The following IPO9 variants were observed in gnomAD, a reference collection of about 807,000 sequenced individuals.
The protein encoded by IPO9 is importin-9.
IPO9 carries 28 observed loss-of-function variants against 128.6 expected under a neutral mutation model. The observed-to-expected ratio is 0.22, with a 90% CI of 0.16 to 0.30. The LOEUF (loss-of-function observed/expected upper bound fraction) is 0.30, where lower values mean the gene tolerates loss of function less well. IPO9 is among the 10% of genes least tolerant of loss of function. The pLI is 1.00. For synonymous variants in IPO9, 455 were observed against 475.8 expected, an observed-to-expected ratio of 0.96 and a Z score of 0.57; for missense variants, 935 against 1,293.9, an observed-to-expected ratio of 0.72 and a Z score of 4.26.
chr1:201,883,882 A>G lies in IPO9; in HGVS notation c.*7828A>G, dbSNP rs904329237. ...CAGCAAGAGCACAGAAACTAGGGCC[A>G]GTGCCCGGTTGTGTGACCTTGAGTA... On this transcript the variant is annotated 3_prime_UTR_variant, in exon 24 of 24. Transcript: ENST00000361565. The G allele has an allele frequency of 4.5e-4, 68 of 152,284 alleles. No homozygotes were observed. Among genetic ancestry groups the G allele is most frequent in the African/African-American group, 1.6e-3 (68 of 41,480 alleles). The allele number at this position is 152,284 out of a possible 1,614,324, so 9.4% of individuals were successfully genotyped here. A position where few individuals can be genotyped will look rare whatever the true frequency, so the allele number is the denominator to read the frequency against.
At chr1:201,846,793 C>T (rs1184490768) in intron 1 of IPO9, among the ~76,000 whole-genome samples, 1 of 152,174 alleles carries the variant, frequency 6.6e-6, no homozygotes, top group East Asian at 1.9e-4. Flanking sequence ...CCTCTGCCTC[C>T]CGAGTAGCTG....
At chr1:201,845,338 G>A (rs1045236879) in intron 1 of IPO9, among the ~76,000 whole-genome samples, 8 of 152,130 alleles carry the variant, frequency 5.3e-5, no homozygotes, top group Non-Finnish European at 1.2e-4. Flanking sequence ...TTCTTATTTT[G>A]TGGGTGAGGA....
At position 201,876,107 on chromosome 1, in the gene IPO9, G is replaced by T. The variant is rs750829112; in HGVS notation, c.*53G>T. 6.5e-6 allele frequency: 8 copies of T among 1,229,832 alleles called. No individual in the cohort carries two copies. The highest frequency in any genetic ancestry group is 3.7e-4 in the Middle Eastern group (2 of 5,366). The allele number at this position is 1,229,832 out of a possible 1,614,324, so 76.2% of individuals were successfully genotyped here. On this transcript the variant is annotated 3_prime_UTR_variant, in exon 24 of 24. Coordinates refer to ENST00000361565, the MANE Select transcript of IPO9 (RefSeq NM_018085.5). ...TTCTGGGCCAGCCGCAAACCATTTT[G>T]CAGCCCTCACTGGCCTTGAGATGCA...
intron 1 of IPO9, among the ~76,000 whole-genome samples, chr1:201,846,979 A>G (rs568503148): frequency 2.6e-5 from 4 of 152,278 alleles, no homozygotes; most frequent in Non-Finnish European, 2.9e-5. Flanking sequence ...CCATGTTTCA[A>G]TTACCACATT....
intron 1 of IPO9, among the ~76,000 whole-genome samples, chr1:201,839,363 C>T (rs1365694768): frequency 1.3e-5 from 2 of 151,898 alleles, no homozygotes; most frequent in East Asian, 1.9e-4. Context: ...ACTTCAGTCA[C>T]GCACCACCAC....
At chr1:201,849,792 T>C (rs1181930540) in intron 4 of IPO9, among the ~76,000 whole-genome samples, 4 of 152,244 alleles carry the variant, frequency 2.6e-5, no homozygotes, top group African/African-American at 9.6e-5. Flanking sequence ...TTAGCTCAGA[T>C]ACCGAACAGA....
Position 201,870,674 on chromosome 1 carries a change from A to G in IPO9, c.2225A>G (p.Tyr742Cys). Residue 742 changes from tyrosine (Y) to cysteine (C), a missense_variant, in exon 18 of 24, where the codon TAT (tyrosine) becomes TGT (cysteine). Physicochemically the swap from Tyr to Cys is radical, Grantham distance 194. Transcript: ENST00000361565. This position sits in a 1 kb window ranked among gnomAD's most constrained non-coding sequence, Gnocchi z 4.9. The stretch of plus-strand genomic sequence containing the variant: ...GAGCAGGGCCACAATGGACTGTGGT[A>G]TGTGATGCAAGTGGTGAGCCAGCTC... The part of the protein sequence containing the change: ...HDEQGHNGLW[Y>C]VMQVVSQLLD... 6.2e-7 allele frequency: 1 copy of G among 1,614,220 alleles called. No individual in the cohort carries two copies. The highest frequency in any genetic ancestry group is 8.5e-7 in the Non-Finnish European group (1 of 1,180,038).
chr1:201,878,534 T>A lies in IPO9; in HGVS notation c.*2480T>A, dbSNP rs1680821451. ...CTCTCATGCTGATTTGGGGGAGGACTGGGCATCCTGCCTCAGGAGAACTTG... is the reference window on the plus strand; with the variant it reads ...CTCTCATGCTGATTTGGGGGAGGACAGGGCATCCTGCCTCAGGAGAACTTG... On this transcript the variant is annotated 3_prime_UTR_variant, in exon 24 of 24. Transcript: ENST00000361565. 1 of 152,642 alleles carries A rather than the reference T, an allele frequency of 6.6e-6. No homozygotes were observed. Among genetic ancestry groups the A allele is most frequent in the Admixed American group, 6.5e-5 (1 of 15,274 alleles). 9.5% of individuals were successfully genotyped at this position (152,642 alleles called of 1,614,324 possible). A position where few individuals can be genotyped will look rare whatever the true frequency, so the allele number is the denominator to read the frequency against.
chr1:201,844,363 G>A (rs1404567812), intron 1 of IPO9, among the ~76,000 whole-genome samples: 1 of 152,078 alleles, frequency 6.6e-6, no homozygotes, highest in African/African-American at 2.4e-5. Flanking sequence ...ATTGAGACAC[G>A]TTCTACAAAA....
Position 201,858,532 on chromosome 1 carries a change from A to G in IPO9, c.1307A>G (p.Lys436Arg). Residue 436 changes from lysine to arginine, a missense_variant, in exon 12 of 24, where the codon AAA becomes AGA. This residue lies in a region of IPO9 where 741 missense variants were observed against 1,019.1 expected (regional missense o/e 0.73). Coordinates refer to ENST00000361565, the MANE Select transcript of IPO9 (RefSeq NM_018085.5). ...CATTTACAAGAAGCTGAGCAAACCA[A>G]AAACAGTGGCACTGAGCACTGGTAA... is the stretch of plus-strand genomic sequence containing the variant. ...TRHLQEAEQT[K>R]NSGTEHWWKI... The G allele has an allele frequency of 5.0e-6, 8 of 1,588,642 alleles. No individual in the cohort carries two copies. In the Admixed American group the frequency reaches 1.1e-4, roughly 22 times the overall value.
chr1:201,833,861 CT>C, intron 1 of IPO9, among the ~76,000 whole-genome samples: 1 of 152,216 alleles, frequency 6.6e-6, no homozygotes, highest in South Asian at 2.1e-4. Flanking sequence ...TCATAGCTTA[CT>C]GCAGCTTCTA....
rs1052427261 is a variant in IPO9, at chr1:201,882,859, A to G, written c.*6805A>G. On this transcript the variant is annotated 3_prime_UTR_variant, in exon 24 of 24. Coordinates refer to ENST00000361565, the MANE Select transcript of IPO9 (RefSeq NM_018085.5). ...GAATTAAGGATGACTTCATTAAAGC[A>G]CCTCTAGTGGTGGAAGATGTCCCAT... 3.3e-5 allele frequency: 5 copies of G among 152,572 alleles called. No homozygotes were observed. Among genetic ancestry groups the G allele is most frequent in the Non-Finnish European group, 7.3e-5 (5 of 68,034 alleles). 9.5% of individuals were successfully genotyped at this position (152,572 alleles called of 1,614,324 possible).
chr1:201,871,505 G>T (rs1323999739), intron 19 of IPO9, among the ~76,000 whole-genome samples, 178 bp downstream of exon 19: 1 of 142,262 alleles, frequency 7.0e-6, no homozygotes, highest in African/African-American at 2.6e-5. Flanking sequence ...TCCTGCTCCT[G>T]CCTCAGCCGT....
At chr1:201,865,441 C>A (rs769662631) in intron 14 of IPO9, among the ~76,000 whole-genome samples, 1 of 152,060 alleles carries the variant, frequency 6.6e-6, no homozygotes, top group Admixed American at 6.5e-5. Context: ...CTCCTGACCT[C>A]GGGTGATCCG....
Position 201,829,174 on chromosome 1 carries a change from C to A in IPO9, c.-36C>A, listed in dbSNP as rs961241143. 2.8e-6 allele frequency: 4 copies of A among 1,453,800 alleles called. No homozygotes were observed. The highest frequency in any genetic ancestry group is 2.6e-5 in the Admixed American group (1 of 38,162). The allele number at this position is 1,453,800 out of a possible 1,614,324, so 90.1% of individuals were successfully genotyped here. On this transcript the variant is annotated 5_prime_UTR_variant, in exon 1 of 24. Coordinates refer to ENST00000361565, the MANE Select transcript of IPO9 (RefSeq NM_018085.5). ...CGGGGGCCGTCATTCGGTGGCGGGT[C>A]CCGGCCGCGGGGCTGGCGGGCTGAG...
intron 1 of IPO9, among the ~76,000 whole-genome samples, chr1:201,845,801 T>C (rs1307829446): frequency 6.6e-6 from 1 of 152,232 alleles, no homozygotes; most frequent in East Asian, 1.9e-4. Flanking sequence ...TAGTAGCCAT[T>C]GTGACTAATA....
rs1226118899 is a variant in IPO9, at chr1:201,870,800, A to G, written c.2351A>G (p.Gln784Arg). 1.7e-5 allele frequency: 27 copies of G among 1,614,042 alleles called. No individual in the cohort carries two copies. The highest frequency in any genetic ancestry group is 2.2e-5 in the Non-Finnish European group (26 of 1,180,026). Residue 784 changes from glutamine (Q) to arginine (R), a missense_variant, in exon 18 of 24, where the codon CAG becomes CGG. This residue lies in a region of IPO9 where 741 missense variants were observed against 1,019.1 expected (regional missense o/e 0.73). Transcript: ENST00000361565. This position sits in a 1 kb window ranked among gnomAD's most constrained non-coding sequence, Gnocchi z 4.9. ...CGGGAACTCGGGGAGAATCTAGACC[A>G]GATTCTTCGTGCCATCCTCAGTAAG... is the stretch of plus-strand genomic sequence containing the variant. Reference protein sequence around the residue: ...AGRELGENLDQILRAILSKMQ... With the variant: ...AGRELGENLDRILRAILSKMQ...
intron 23 of IPO9, 61 bp downstream of exon 23, chr1:201,875,289 T>C (rs1680739371): frequency 7.0e-7 from 1 of 1,419,612 alleles, no homozygotes; most frequent in Non-Finnish European, 1.0e-6. Context: ...AACAGGAATA[T>C]GGGCTCAAAT....
At position 201,878,997 on chromosome 1, in the gene IPO9, T is replaced by C. The variant is rs1482962442; in HGVS notation, c.*2943T>C. The C allele has an allele frequency of 2.0e-5, 3 of 152,236 alleles. No homozygotes were observed. Among genetic ancestry groups the C allele is most frequent in the African/African-American group, 7.2e-5 (3 of 41,460 alleles). The allele number at this position is 152,236 out of a possible 1,614,324, so 9.4% of individuals were successfully genotyped here. On this transcript the variant is annotated 3_prime_UTR_variant, in exon 24 of 24. Coordinates refer to ENST00000361565, the MANE Select transcript of IPO9 (RefSeq NM_018085.5). The stretch of plus-strand genomic sequence containing the variant: ...GCTGCTCTGAGACATTTTAGTCTCC[T>C]GACTGGTAAACAGCAGCTGGGGCAC...
Sources: allele counts gnomAD v4.1 joint callset (sites outside exome capture counted in the v4.1 genomes callset), GRCh38; gene constraint gnomAD v4.1.1; regional missense constraint gnomAD v4.1.1; non-coding constraint Gnocchi (gnomAD v3.1); transcripts MANE v1.5; gene names NCBI Gene and HGNC (gene_info 2026-07-23, HGNC 2026-07-21).